Variants in EFCAB5 observed in about 807,000 individuals in gnomAD.
EFCAB5 encodes EF-hand calcium binding domain 5.
EFCAB5 carries 131 observed loss-of-function variants against 167.9 expected under a neutral mutation model. That is an observed-to-expected ratio of 0.78 (90% CI 0.68 to 0.90). The LOEUF is 0.90. Ranked by LOEUF, EFCAB5 falls within the 40% of genes least tolerant of loss-of-function variation. The pLI is 0.00. For synonymous variants in EFCAB5, 574 were observed against 602.8 expected (o/e 0.95, Z 0.70); for missense variants, 1,663 against 1,745.2 (o/e 0.95, Z 0.84).
rs983377978 is a variant in EFCAB5 at position 30,055,831 on chromosome 17, A to T, written c.2195-57A>T. The stretch of plus-strand genomic sequence containing the variant: ...ATTTCTATCACTTATTAACCTTAAA[A>T]TAGCTAATGGAATATGTAATGTCTA... On this transcript the variant is annotated intron_variant, in intron 10 of 22. Transcript: ENST00000394835. 8.3e-6 allele frequency: 13 copies of T among 1,565,234 alleles called. No individual in the cohort carries two copies. The South Asian group carries it at 9.4e-5, about 11-fold the overall frequency.
intron 19 of EFCAB5, 123 bp from the exon 20 acceptor site, chr17:30,090,298 A>G: frequency 7.8e-7 from 1 of 1,287,860 alleles, no homozygotes; most frequent in Non-Finnish European, 1.0e-6. Context: ...CAGATGAAAC[A>G]GCAAGAAGGG....
intron 3 of EFCAB5, among the ~76,000 whole-genome samples, chr17:29,945,039 AT>A (rs1045614356): frequency 1.3e-5 from 2 of 152,176 alleles, no homozygotes; most frequent in African/African-American, 4.8e-5. Flanking sequence ...CAGATTGAAA[AT>A]TTATAGGATT....
chr17:29,994,542 T>C (rs2068504091), intron 5 of EFCAB5, among the ~76,000 whole-genome samples: 1 of 152,160 alleles, frequency 6.6e-6, no homozygotes, highest in Non-Finnish European at 1.5e-5. Context: ...TTAAGTATTC[T>C]AAGAGGAGAC....
At chr17:30,000,430 AT>A (rs1162404869) in intron 7 of EFCAB5, among the ~76,000 whole-genome samples, 1 of 152,214 alleles carries the variant, frequency 6.6e-6, no homozygotes, top group Non-Finnish European at 1.5e-5. Flanking sequence ...AACTGGGAAA[AT>A]TTGTATTCAG....
At chr17:30,080,550 G>GTTTTTTTTTTTTTTT (rs5819877) in intron 16 of EFCAB5, among the ~76,000 whole-genome samples, 1 of 147,756 alleles carries the variant, frequency 6.8e-6, no homozygotes. Context: ...ATCCAAGCTT[G>GTTTTTTTTTTTTTTT]TTTTTTTTTT....
intron 2 of EFCAB5, among the ~76,000 whole-genome samples, chr17:29,942,789 C>T (rs1374231601): frequency 1.3e-5 from 2 of 152,082 alleles, no homozygotes; most frequent in Non-Finnish European, 1.5e-5. Flanking sequence ...CACTTGTAAT[C>T]CCAGCACTCT....
intron 18 of EFCAB5, among the ~76,000 whole-genome samples, chr17:30,085,248 A>G (rs2071064354): frequency 6.6e-6 from 1 of 152,208 alleles, no homozygotes. Flanking sequence ...CTCTGTTAAC[A>G]GTAACCATAG....
Position 29,995,302 on chromosome 17 carries a change from G to C in EFCAB5, c.925-1010G>C, listed in dbSNP as rs1597639816. On this transcript the variant is annotated intron_variant, in intron 5 of 22. Coordinates refer to ENST00000394835, the MANE Select transcript of EFCAB5 (RefSeq NM_198529.4). Reference sequence around the variant, plus strand: ...TAGTGTTTCTCAGAACACTCTTATAGTAAACAGATGTTATTGTTCTTTGGT... The same window carrying C: ...TAGTGTTTCTCAGAACACTCTTATACTAAACAGATGTTATTGTTCTTTGGT... Among the ~76,000 whole-genome samples, 7 of 152,312 alleles carry C rather than the reference G, an allele frequency of 4.6e-5. 1 individual carries two copies. The highest frequency in any genetic ancestry group is 4.6e-4 in the Admixed American group (7 of 15,302).
chr17:29,997,121 C>T (rs1214638008), intron 6 of EFCAB5, among the ~76,000 whole-genome samples: 2 of 151,472 alleles, frequency 1.3e-5, no homozygotes, highest in South Asian at 4.2e-4. Flanking sequence ...GGCGGGCGTC[C>T]GTAATCTCAG....
chr17:30,106,658 T>C (rs1449615100), intron 22 of EFCAB5, among the ~76,000 whole-genome samples: 1 of 152,126 alleles, frequency 6.6e-6, no homozygotes, highest in African/African-American at 2.4e-5. Context: ...GGTTTCACCA[T>C]GTTGGCCAGG....
intron 12 of EFCAB5, 28 bp downstream of exon 12, chr17:30,056,184 A>G: frequency 6.4e-7 from 1 of 1,572,254 alleles, no homozygotes; most frequent in Non-Finnish European, 8.7e-7. Flanking sequence ...AAGTAGGAAT[A>G]GATGGCAGTC....
intron 22 of EFCAB5, among the ~76,000 whole-genome samples, chr17:30,096,599 C>T (rs1195342486): frequency 6.7e-6 from 1 of 148,514 alleles, no homozygotes; most frequent in Non-Finnish European, 1.5e-5. Context: ...TTTAATTTGA[C>T]ACTCATTGTT....
intron 8 of EFCAB5, among the ~76,000 whole-genome samples, chr17:30,044,090 A>G (rs2069850824): frequency 6.6e-6 from 1 of 152,192 alleles, no homozygotes; most frequent in African/African-American, 2.4e-5. Flanking sequence ...TTTATAAAAC[A>G]ACCCAATTAA....
chr17:30,068,768 G>A, intron 14 of EFCAB5: 3 of 1,384,024 alleles, frequency 2.2e-6, no homozygotes, highest in Non-Finnish European at 3.1e-6. Context: ...TGGCCCAAGG[G>A]CAACTTCTCC....
upstream of EFCAB5, among the ~76,000 whole-genome samples, chr17:29,939,459 C>A (rs888934951): frequency 6.6e-6 from 1 of 152,296 alleles, no homozygotes; most frequent in South Asian, 2.1e-4. Flanking sequence ...AGCTTTGAAG[C>A]CAGACGTTGA....
chr17:30,061,490 T>G (rs2070424617), intron 14 of EFCAB5, among the ~76,000 whole-genome samples: 1 of 152,168 alleles, frequency 6.6e-6, no homozygotes, highest in Admixed American at 6.5e-5. Flanking sequence ...GGATTAGAAG[T>G]TTTTAGAAAG....
At chr17:30,085,717 C>T (rs2071075865) in intron 18 of EFCAB5, among the ~76,000 whole-genome samples, 1 of 37,788 alleles carries the variant, frequency 2.6e-5, no homozygotes, top group Non-Finnish European at 4.8e-5. Context: ...GAGACTCCGT[C>T]TCAAAAAAAA....
intron 2 of EFCAB5, among the ~76,000 whole-genome samples, chr17:29,943,001 G>A (rs2067324217): frequency 6.6e-6 from 1 of 151,484 alleles, no homozygotes; most frequent in Admixed American, 6.6e-5. Flanking sequence ...TCATGCCACT[G>A]CACTCCAGCC....
At chr17:29,948,554 A>G (rs944455748) in intron 3 of EFCAB5, among the ~76,000 whole-genome samples, 1 of 152,148 alleles carries the variant, frequency 6.6e-6, no homozygotes, top group Non-Finnish European at 1.5e-5. Context: ...GGGTATATAC[A>G]AAGTAGGAAG....
Sources: gnomAD v4.1 joint callset for allele counts (sites outside exome capture counted in the v4.1 genomes callset) on GRCh38, gnomAD v4.1.1 for gene constraint, MANE v1.5 for transcripts, NCBI Gene and HGNC (gene_info 2026-07-23, HGNC 2026-07-21) for gene names.